Variants in CHRM3 observed in about 807,000 individuals in gnomAD.
CHRM3 encodes cholinergic receptor muscarinic 3.
A neutral mutation model predicts 41.8 loss-of-function variants in CHRM3; 11 were observed. The ratio of observed to expected loss-of-function variants is 0.26; its 90% CI spans 0.17 to 0.44. CHRM3 has a LOEUF of 0.44. Among genes scored for constraint, CHRM3 ranks in the 20% least tolerant of loss-of-function variants. CHRM3 has a pLI of 1.00. For missense variants in CHRM3, 571 were observed against 745.4 expected (o/e 0.77, Z 2.72); for synonymous variants, 297 against 301.4 (o/e 0.99, Z 0.15).
At position 239,404,105 on chromosome 1, in the gene CHRM3, A is replaced by G. The variant is rs202028161; in HGVS notation, c.-521+16878A>G. 3.9e-4 allele frequency among the ~76,000 whole-genome samples: 59 copies of G among 150,476 alleles called. No homozygotes were observed. In the East Asian group the frequency reaches 6.2e-3, roughly 16 times the overall value. ...AGATCGAGACCATCCTGGCTAACAC[A>G]GTGAAACCCCGTCTCTACCAAAAAT... On this transcript the variant is annotated intron_variant, in intron 1 of 6. Transcript: ENST00000676153.
chr1:239,391,082 G>A (rs1658992518), intron 1 of CHRM3, among the ~76,000 whole-genome samples: 1 of 152,212 alleles, frequency 6.6e-6, no homozygotes, highest in Non-Finnish European at 1.5e-5. Flanking sequence ...AGACTGCAGT[G>A]AGTCAGGATC....
At chr1:239,733,065 C>T (rs918001804) in intron 5 of CHRM3, among the ~76,000 whole-genome samples, 1 of 152,058 alleles carries the variant, frequency 6.6e-6, no homozygotes, top group Non-Finnish European at 1.5e-5. Context: ...TCCCTCCAGA[C>T]GTCTCCATTG....
chr1:239,594,365 G>A (rs932788617), intron 3 of CHRM3, among the ~76,000 whole-genome samples: 1 of 152,194 alleles, frequency 6.6e-6, no homozygotes, highest in Non-Finnish European at 1.5e-5. Flanking sequence ...CACTGGCAAA[G>A]AATACATTTT....
intron 5 of CHRM3, among the ~76,000 whole-genome samples, chr1:239,723,560 T>C (rs922592296): frequency 6.6e-5 from 10 of 152,098 alleles, no homozygotes; most frequent in African/African-American, 1.2e-4. Flanking sequence ...AATGTACTAC[T>C]ACAAATATCT....
intron 3 of CHRM3, among the ~76,000 whole-genome samples, chr1:239,624,714 A>G (rs1258286977): frequency 1.0e-5 from 1 of 95,552 alleles, no homozygotes; most frequent in African/African-American, 4.6e-5. Flanking sequence ...AGCTTTCTAC[A>G]TATGGCTAGC....
chr1:239,715,394 G>GA (rs1367161517), intron 5 of CHRM3, among the ~76,000 whole-genome samples: 2 of 152,084 alleles, frequency 1.3e-5, no homozygotes, highest in African/African-American at 4.8e-5. Context: ...GATAAACCAG[G>GA]CCTCCAGAGG....
intron 1 of CHRM3, among the ~76,000 whole-genome samples, chr1:239,464,909 G>C (rs922253595): frequency 2.0e-5 from 3 of 152,012 alleles, no homozygotes; most frequent in African/African-American, 7.3e-5. Flanking sequence ...TAAAAGAAGA[G>C]GTGTAATTAA....
At chr1:239,431,289 T>A (rs1225997054) in intron 1 of CHRM3, among the ~76,000 whole-genome samples, 1 of 152,172 alleles carries the variant, frequency 6.6e-6, no homozygotes, top group African/African-American at 2.4e-5. Flanking sequence ...AGATTTTTTG[T>A]TCTAGTAATC....
chr1:239,776,058 C>G (rs528933573), intron 5 of CHRM3, among the ~76,000 whole-genome samples: 3 of 152,244 alleles, frequency 2.0e-5, no homozygotes, highest in East Asian at 1.9e-4. Context: ...TTTGTTTCTT[C>G]TTTTCTATTT....
Position 239,587,100 on chromosome 1 carries a change from A to C in CHRM3, c.-313+41351A>C, listed in dbSNP as rs554874542. Among the ~76,000 whole-genome samples, 3 of 152,252 alleles carry C rather than the reference A, an allele frequency of 2.0e-5. No homozygotes were observed. In the South Asian group the frequency reaches 6.2e-4, roughly 32 times the overall value. On this transcript the variant is annotated intron_variant, in intron 3 of 6. Transcript: ENST00000676153. ...AAAGAGTTGACTTCAGCGCTACCTC[A>C]CACATTCTGTCACAGGATGATCAGA...
intron 3 of CHRM3, among the ~76,000 whole-genome samples, chr1:239,617,822 C>A (rs918788664): frequency 6.6e-6 from 1 of 152,080 alleles, no homozygotes; most frequent in South Asian, 2.1e-4. Flanking sequence ...TCATTTCTGT[C>A]GCCTTCTTCA....
At chr1:239,831,629 A>T (rs1672901604) in intron 6 of CHRM3, among the ~76,000 whole-genome samples, 1 of 152,150 alleles carries the variant, frequency 6.6e-6, no homozygotes, top group Admixed American at 6.5e-5. Context: ...AAACAAAGAG[A>T]TAGTTTATCA....
chr1:239,596,077 A>G (rs952884503), intron 3 of CHRM3, among the ~76,000 whole-genome samples: 1 of 152,178 alleles, frequency 6.6e-6, no homozygotes, highest in Non-Finnish European at 1.5e-5. Context: ...GCAATTTTAT[A>G]CCTAACATTT....
intron 3 of CHRM3, among the ~76,000 whole-genome samples, chr1:239,585,715 A>T (rs1057331479): frequency 1.3e-5 from 2 of 152,220 alleles, no homozygotes; most frequent in African/African-American, 4.8e-5. Flanking sequence ...ATTTCAATAC[A>T]TCCTATACTT....
At chr1:239,640,177 T>C (rs1463288485) in intron 4 of CHRM3, among the ~76,000 whole-genome samples, 1 of 151,942 alleles carries the variant, frequency 6.6e-6, no homozygotes, top group East Asian at 1.9e-4. Flanking sequence ...CAGTATTTTA[T>C]TGAGGATTTT....
Position 239,909,221 on chromosome 1 carries a change from G to A in CHRM3, c.1770G>A (p.Leu590=), listed in dbSNP as rs1558234601. Reference sequence around the variant, plus strand: ...ACAAGCGCGCACCCGAGCAGGCCTTGTAGAATGAGGTTGTATCAATAGCAG... The same window carrying A: ...ACAAGCGCGCACCCGAGCAGGCCTTATAGAATGAGGTTGTATCAATAGCAG... ...IFHKRAPEQA[L] is the part of the protein sequence containing the mutation. The change falls in exon 7 of 7, where the codon TTG becomes TTA. Residue 590 remains leucine, a synonymous_variant. Coordinates refer to ENST00000676153, the MANE Select transcript of CHRM3 (RefSeq NM_001375978.1). 1 of 1,598,994 alleles carries A rather than the reference G, an allele frequency of 6.3e-7. No individual in the cohort carries two copies. Among genetic ancestry groups the A allele is most frequent in the Admixed American group, 1.7e-5 (1 of 58,898 alleles).
At chr1:239,902,397 G>A (rs1679651613) in intron 6 of CHRM3, among the ~76,000 whole-genome samples, 1 of 152,088 alleles carries the variant, frequency 6.6e-6, no homozygotes. Context: ...CCAGAACTCA[G>A]ACCCAAATCA....
At chr1:239,892,184 A>G (rs1678609661) in intron 6 of CHRM3, among the ~76,000 whole-genome samples, 1 of 152,230 alleles carries the variant, frequency 6.6e-6, no homozygotes, top group African/African-American at 2.4e-5. Flanking sequence ...TAGAGCCAGA[A>G]TTAATAGTGA....
intron 5 of CHRM3, among the ~76,000 whole-genome samples, chr1:239,790,348 C>A (rs984357942): frequency 6.6e-6 from 1 of 152,110 alleles, no homozygotes; most frequent in Non-Finnish European, 1.5e-5. Context: ...TGTAGTAATA[C>A]CCACACGTCA....
Sources: gnomAD v4.1 joint callset for allele counts (sites outside exome capture counted in the v4.1 genomes callset) on GRCh38, gnomAD v4.1.1 for gene constraint, MANE v1.5 for transcripts, NCBI Gene and HGNC (gene_info 2026-07-23, HGNC 2026-07-21) for gene names.